ERBB4: variants seen among roughly 807,000 people sequenced by gnomAD.
ERBB4 encodes the protein erb-b2 receptor tyrosine kinase 4.
Under a neutral mutation model 158.0 loss-of-function variants are expected in ERBB4, and 42 were observed. The observed-to-expected ratio is 0.27, with a 90% confidence interval of 0.21 to 0.34. The LOEUF is 0.34. ERBB4 is among the 10% of genes least tolerant of loss of function. ERBB4 has a pLI of 1.00. For synonymous variants in ERBB4, 583 were observed against 558.7 expected (o/e 1.04, Z -0.61); for missense variants, 1,333 against 1,624.1 (o/e 0.82, Z 3.08).
intron 2 of ERBB4, among the ~76,000 whole-genome samples, chr2:212,044,537 C>T (rs1440118608): frequency 6.6e-6 from 1 of 151,912 alleles, no homozygotes; most frequent in Non-Finnish European, 1.5e-5. Context: ...TTTTTTTCTC[C>T]CACATTCAGG....
At chr2:211,581,359 G>A (rs980085715) in intron 19 of ERBB4, among the ~76,000 whole-genome samples, 1 of 151,974 alleles carries the variant, frequency 6.6e-6, no homozygotes, top group Non-Finnish European at 1.5e-5. Flanking sequence ...AGTAATAAGT[G>A]TAAAATCACC....
chr2:211,463,465 T>C (rs1484048078), intron 20 of ERBB4, among the ~76,000 whole-genome samples: 2 of 152,150 alleles, frequency 1.3e-5, no homozygotes, highest in Non-Finnish European at 2.9e-5. Context: ...CAGTCTGCTG[T>C]AGCTTCATTA....
chr2:211,571,895 C>T (rs1033661364), intron 19 of ERBB4, among the ~76,000 whole-genome samples: 18 of 152,030 alleles, frequency 1.2e-4, no homozygotes, highest in East Asian at 3.8e-4. Flanking sequence ...AAAGAAAACA[C>T]GGTAAATAAT....
chr2:211,693,640 T>C (rs1278227183), intron 12 of ERBB4, among the ~76,000 whole-genome samples: 1 of 152,156 alleles, frequency 6.6e-6, no homozygotes, highest in African/African-American at 2.4e-5. Flanking sequence ...CACAGGCATC[T>C]GTCTCAGAAT....
At chr2:211,834,753 A>T (rs1172786426) in intron 3 of ERBB4, among the ~76,000 whole-genome samples, 1 of 152,094 alleles carries the variant, frequency 6.6e-6, no homozygotes, top group Non-Finnish European at 1.5e-5. Context: ...AATCTCACAA[A>T]GTGAAATTTA....
chr2:212,069,650 A>C (rs2078052303), intron 2 of ERBB4, among the ~76,000 whole-genome samples: 1 of 152,090 alleles, frequency 6.6e-6, no homozygotes. Flanking sequence ...TGTAGATGAA[A>C]TGATCTTATA....
chr2:212,286,599 T>TTTTTGTTTGTTTTG (rs2085976088), intron 1 of ERBB4, among the ~76,000 whole-genome samples: 2 of 83,832 alleles, frequency 2.4e-5, no homozygotes. Context: ...GCTGACTTTT[T>TTTTTGTTTGTTTTG]TTTTTTTTTT....
At chr2:212,053,438 T>C (rs73069217) in intron 2 of ERBB4, among the ~76,000 whole-genome samples, 324 of 152,196 alleles carry the variant, frequency 2.1e-3, no homozygotes, top group African/African-American at 7.6e-3. Context: ...TGCCACCTCA[T>C]AGTATGGGCC....
intron 1 of ERBB4, among the ~76,000 whole-genome samples, chr2:212,431,374 T>C (rs183970855): frequency 6.7e-6 from 1 of 149,402 alleles, no homozygotes; most frequent in African/African-American, 2.5e-5. Context: ...AAATTTCATA[T>C]CATATCTCTC....
chr2:211,538,192 T>C (rs894982070), intron 20 of ERBB4, among the ~76,000 whole-genome samples: 1 of 145,040 alleles, frequency 6.9e-6, no homozygotes, highest in Non-Finnish European at 1.5e-5. Context: ...CATCTAGTAC[T>C]GCCTTCTCCT....
At chr2:211,558,006 TAAC>T (rs374793945) in intron 20 of ERBB4, among the ~76,000 whole-genome samples, 105 of 152,224 alleles carry the variant, frequency 6.9e-4, no homozygotes, top group African/African-American at 2.4e-3. Context: ...CTTAGCAAAC[TAAC>T]AAGGAACAGA....
chr2:212,028,251 A>G (rs1290129760), intron 2 of ERBB4, among the ~76,000 whole-genome samples: 1 of 152,118 alleles, frequency 6.6e-6, no homozygotes, highest in Non-Finnish European at 1.5e-5. Flanking sequence ...TTCAATTTCC[A>G]AAACTCCTTG....
In ERBB4 at chr2:211,530,131, G is replaced by A. The variant is rs75972456; in HGVS notation, c.2487+31772C>T. On this transcript the variant is annotated intron_variant, in intron 20 of 27. Coordinates refer to ENST00000342788, the MANE Select transcript of ERBB4 (RefSeq NM_005235.3). ...TCCACCAAAATAAAACTATTGGAAC[G>A]AATAAACACGTTCAGTAAAGTTGCA... Among the ~76,000 whole-genome samples, 409 of 152,120 alleles carry A rather than the reference G, an allele frequency of 2.7e-3. 2 individuals are homozygous for A. Among genetic ancestry groups the A allele is most frequent in the African/African-American group, 9.5e-3 (396 of 41,530 alleles).
intron 2 of ERBB4, among the ~76,000 whole-genome samples, chr2:212,092,061 T>G (rs1439453575): frequency 6.6e-6 from 1 of 152,126 alleles, no homozygotes; most frequent in African/African-American, 2.4e-5. Flanking sequence ...CTTGGAAAAA[T>G]TATTATAACT....
At chr2:212,213,327 GAT>G (rs1421500844) in intron 1 of ERBB4, among the ~76,000 whole-genome samples, 1 of 151,998 alleles carries the variant, frequency 6.6e-6, no homozygotes, top group Non-Finnish European at 1.5e-5. Flanking sequence ...CAACATCACT[GAT>G]CATCAGAGAA....
chr2:212,187,433 AAATAAATAAAT>A (rs2125701856), intron 1 of ERBB4, among the ~76,000 whole-genome samples: 1 of 133,338 alleles, frequency 7.5e-6, no homozygotes, highest in South Asian at 2.8e-4. Context: ...ATAAATAAAT[AAATAAATAAAT>A]AAATAAAGAT....
At chr2:211,498,752 T>C (rs1169812446) in intron 20 of ERBB4, among the ~76,000 whole-genome samples, 1 of 152,148 alleles carries the variant, frequency 6.6e-6, no homozygotes, top group Non-Finnish European at 1.5e-5. Flanking sequence ...CCATTACAAT[T>C]GACAAAGAGG....
In ERBB4 at chr2:211,643,746, T is replaced by C. The variant is rs113456333; in HGVS notation, c.1947-13152A>G. On this transcript the variant is annotated intron_variant, in intron 16 of 27. Coordinates refer to ENST00000342788, the MANE Select transcript of ERBB4 (RefSeq NM_005235.3). Reference sequence around the variant, plus strand: ...TATCAGACTTTTCTGAATGCTTACATTGGAGGGGGACAGGGGTGGGAGGAA... The same window carrying C: ...TATCAGACTTTTCTGAATGCTTACACTGGAGGGGGACAGGGGTGGGAGGAA... 4.4e-4 allele frequency among the ~76,000 whole-genome samples: 67 copies of C among 151,960 alleles called. 1 individual carries two copies. Among genetic ancestry groups the C allele is most frequent in the Non-Finnish European group, 5.9e-4 (40 of 67,958 alleles).
Position 211,392,558 on chromosome 2 carries a change from CCACACA to C in ERBB4, c.3136-4572_3136-4567del, listed in dbSNP as rs5838261. 8.0e-3 allele frequency among the ~76,000 whole-genome samples: 1,133 copies of C among 141,004 alleles called. 9 individuals are homozygous for C. Among genetic ancestry groups the C allele is most frequent in the African/African-American group, 0.025 (937 of 38,040 alleles). The allele number at this position is 141,004 out of a possible 152,430, so 92.5% of individuals were successfully genotyped here. ...ACTTTTTTGAAAAAACTCTCTTACT[CCACACA>C]CACACACACACACACACACACACAC... On this transcript the variant is annotated intron_variant, in intron 25 of 27. Transcript: ENST00000342788.
Sources: allele counts gnomAD v4.1 joint callset (sites outside exome capture counted in the v4.1 genomes callset), GRCh38; gene constraint gnomAD v4.1.1; transcripts MANE v1.5; gene names NCBI Gene and HGNC (gene_info 2026-07-23, HGNC 2026-07-21).